The following DNAI3 variants were observed in gnomAD, a reference collection of about 807,000 sequenced individuals.
The protein encoded by DNAI3 is WD repeat domain 63.
In DNAI3, 83 loss-of-function variants were observed where a neutral mutation model predicts 115.5. The observed-to-expected ratio is 0.72, with a 90% CI of 0.60 to 0.86. The LOEUF (loss-of-function observed/expected upper bound fraction) is 0.86, where lower values mean the gene tolerates loss of function less well. Among genes scored for constraint, DNAI3 ranks in the 40% least tolerant of loss-of-function variants. DNAI3 has a pLI of 0.00. For missense variants in DNAI3, 1,004 were observed against 1,075.8 expected, an observed-to-expected ratio of 0.93 and a Z score of 0.93; for synonymous variants, 320 against 347.0, an observed-to-expected ratio of 0.92 and a Z score of 0.86.
chr1:85,127,977 T>C (rs1656197253), intron 20 of DNAI3, among the ~76,000 whole-genome samples: 1 of 151,090 alleles, frequency 6.6e-6, no homozygotes, highest in Non-Finnish European at 1.5e-5. Flanking sequence ...AAACAAAAAT[T>C]AGCCGGGCAT....
chr1:85,112,776 A>G (rs1655696514), intron 16 of DNAI3, among the ~76,000 whole-genome samples: 1 of 151,900 alleles, frequency 6.6e-6, no homozygotes, highest in African/African-American at 2.4e-5. Flanking sequence ...TGTTTGTTTT[A>G]TTTTTATTTT....
Position 85,081,345 on chromosome 1 carries a change from A to C in DNAI3, c.215A>C (p.Glu72Ala). 1 of 1,604,404 alleles carries C rather than the reference A, an allele frequency of 6.2e-7. No homozygotes were observed. The highest frequency in any genetic ancestry group is 8.5e-7 in the Non-Finnish European group (1 of 1,177,216). ...DEQPYKLINKEDIFEDLRNRA... is the reference protein window; with the variant it reads ...DEQPYKLINKADIFEDLRNRA... ...CAACCTTATAAGCTTATCAATAAAG[A>C]AGACATTTTTGAGGACCTGCGCAAC... The change falls in exon 4 of 23, where the codon GAA becomes GCA. Residue 72 changes from glutamate to alanine, a missense_variant. Physicochemically the swap from Glu to Ala is moderately radical, Grantham distance 107 (BLOSUM62 -1). This residue lies in a region of DNAI3 where 550 missense variants were observed against 568.1 expected (regional missense o/e 0.97). Coordinates refer to ENST00000294664, the MANE Select transcript of DNAI3 (RefSeq NM_145172.5).
At chr1:85,124,004 C>A in intron 18 of DNAI3, 117 bp from the exon 19 acceptor site, 2 of 1,330,818 alleles carry the variant, frequency 1.5e-6, no homozygotes, top group Non-Finnish European at 2.1e-6. Flanking sequence ...CTCTGGTTCT[C>A]CACTCCCCGA....
rs746719268 is a variant in DNAI3 at position 85,117,735 on chromosome 1, T to C, written c.1793T>C (p.Met598Thr). 7.4e-6 allele frequency: 12 copies of C among 1,613,526 alleles called. No homozygotes were observed. The highest frequency in any genetic ancestry group is 1.0e-5 in the Non-Finnish European group (12 of 1,179,564). Reference sequence around the variant, plus strand: ...ACCCACACTCCTCTGAAAGACAAAATGTTAGCACAGAGCAAAACAGAGAAG... The same window carrying C: ...ACCCACACTCCTCTGAAAGACAAAACGTTAGCACAGAGCAAAACAGAGAAG... ...DHLLCKTQDK[M>T]LAQSKTEKAE... is the part of the protein sequence containing the mutation. Residue 598 changes from methionine to threonine, a missense_variant, in exon 17 of 23, where the codon ATG becomes ACG. Met to Thr is a moderately conservative substitution (Grantham distance 81, BLOSUM62 -1). Transcript: ENST00000294664.
At chr1:85,119,118 A>T (rs969235181) in intron 17 of DNAI3, among the ~76,000 whole-genome samples, 3 of 152,212 alleles carry the variant, frequency 2.0e-5, no homozygotes, top group Admixed American at 6.5e-5. Flanking sequence ...AGTTTAAAAA[A>T]TTTTTTTAAT....
chr1:85,093,762 T>C lies in DNAI3; in HGVS notation c.1048+114T>C, dbSNP rs2100581165. 3.8e-6 allele frequency: 5 copies of C among 1,308,878 alleles called. No individual in the cohort carries two copies. The East Asian group carries it at 1.2e-4, about 32-fold the overall frequency. The allele number at this position is 1,308,878 out of a possible 1,614,324, so 81.1% of individuals were successfully genotyped here. A position where few individuals can be genotyped will look rare whatever the true frequency, so the allele number is the denominator to read the frequency against. ...TCAATAAGACACCTTCCATTTGCTC[T>C]GTACTCACTAGGTACCTGCCATGTG... is the stretch of plus-strand genomic sequence containing the variant. On this transcript the variant is annotated intron_variant, in intron 9 of 22. Coordinates refer to ENST00000294664, the MANE Select transcript of DNAI3 (RefSeq NM_145172.5).
intron 8 of DNAI3, 117 bp from the exon 9 acceptor site, chr1:85,093,341 T>C: frequency 1.1e-6 from 1 of 941,344 alleles, no homozygotes; most frequent in South Asian, 1.8e-5. Flanking sequence ...CCAAATATAA[T>C]TGAGAATTAT....
At chr1:85,063,860 A>G (rs1654013847) in intron 1 of DNAI3, among the ~76,000 whole-genome samples, 1 of 152,074 alleles carries the variant, frequency 6.6e-6, no homozygotes, top group Admixed American at 6.6e-5. Flanking sequence ...TTTTAATTAC[A>G]TATTTATTTT....
chr1:85,109,844 T>C (rs1344449919), intron 15 of DNAI3, among the ~76,000 whole-genome samples: 3 of 152,140 alleles, frequency 2.0e-5, no homozygotes, highest in African/African-American at 7.2e-5. Flanking sequence ...GACAAGCTCC[T>C]TTCTGTAGCT....
rs1452899027 is a variant in DNAI3 at position 85,076,354 on chromosome 1, A to G, written c.103+3262A>G. Among the ~76,000 whole-genome samples, 3 of 152,214 alleles carry G rather than the reference A, an allele frequency of 2.0e-5. No individual in the cohort carries two copies. The East Asian group carries it at 5.8e-4, about 29-fold the overall frequency. On this transcript the variant is annotated intron_variant, in intron 3 of 22. Transcript: ENST00000294664. ...AATGAAAAATAAATAAATAAATAAA[A>G]AGAACATAAAAACAAAAACAACAAA...
rs775359607 is a variant in DNAI3, at chr1:85,098,563, GA to G, written c.1386del (p.Ala463GlnfsTer12). ...TCTCCTTGAACCGGAGAGTAATAAA[GA>G]AGCAATGTATATCAGACACTGTGCA... Reference protein sequence around the residue: ...MFLLEPESNKEAMYIRHCAVS... With the variant: ...MFLLEPESNKXAMYIRHCAVS... On this transcript the variant is annotated frameshift_variant, in exon 13 of 23. Transcript: ENST00000294664. LOFTEE classifies it high-confidence loss of function. 6.2e-7 allele frequency: 1 copy of G among 1,613,122 alleles called. No individual in the cohort carries two copies. Among genetic ancestry groups the G allele is most frequent in the Non-Finnish European group, 8.5e-7 (1 of 1,179,660 alleles).
chr1:85,090,801 G>A (rs1275720822), intron 8 of DNAI3, among the ~76,000 whole-genome samples: 1 of 152,142 alleles, frequency 6.6e-6, no homozygotes, highest in Non-Finnish European at 1.5e-5. Context: ...CTAAACCAGA[G>A]AAACAGCTTG....
In DNAI3 at chr1:85,093,490, T is replaced by G. The variant is rs774455698; in HGVS notation, c.890T>G (p.Met297Arg). Residue 297 changes from methionine to arginine, a missense_variant, in exon 9 of 23, where the codon ATG becomes AGG. Around this residue, in one of 3 missense-constraint regions of DNAI3, gnomAD observed 550 missense variants for 568.1 expected, o/e 0.97. Coordinates refer to ENST00000294664, the MANE Select transcript of DNAI3 (RefSeq NM_145172.5). ...ATAGCCCTGCAGCAAAATGAAATCA[T>G]GAACACATTTATTGATGACTGGAAA... Reference protein sequence around the residue: ...VEIALQQNEIMNTFIDDWKYL... With the variant: ...VEIALQQNEIRNTFIDDWKYL... The G allele has an allele frequency of 1.2e-6, 2 of 1,614,120 alleles. No individual in the cohort carries two copies. The highest frequency in any genetic ancestry group is 1.7e-6 in the Non-Finnish European group (2 of 1,180,018).
intron 10 of DNAI3, among the ~76,000 whole-genome samples, chr1:85,094,984 A>C (rs960126056): frequency 6.6e-6 from 1 of 152,202 alleles, no homozygotes; most frequent in Non-Finnish European, 1.5e-5. Context: ...ATCCATCTCT[A>C]GGCTGGCTGC....
chr1:85,122,899 G>A (rs1253859283), intron 18 of DNAI3, among the ~76,000 whole-genome samples: 1 of 152,156 alleles, frequency 6.6e-6, no homozygotes, highest in Non-Finnish European at 1.5e-5. Flanking sequence ...CCAACTCTCA[G>A]GGAGAGGAAA....
At chr1:85,099,353 T>A in intron 13 of DNAI3, 1 of 858,256 alleles carries the variant, frequency 1.2e-6, no homozygotes, top group Non-Finnish European at 1.4e-6. Flanking sequence ...GAGAGCCAAA[T>A]CATGAGTGAA....
chr1:85,065,399 T>C (rs893235505), intron 1 of DNAI3, among the ~76,000 whole-genome samples: 2 of 152,150 alleles, frequency 1.3e-5, no homozygotes, highest in African/African-American at 4.8e-5. Flanking sequence ...TAGTAAACTA[T>C]ATGTATATTC....
chr1:85,098,100 A>G (rs1044768985), intron 12 of DNAI3, among the ~76,000 whole-genome samples: 1 of 152,176 alleles, frequency 6.6e-6, no homozygotes, highest in East Asian at 1.9e-4. Flanking sequence ...ATATACCATG[A>G]TTTTGTGGGG....
intron 18 of DNAI3, among the ~76,000 whole-genome samples, chr1:85,122,328 C>A (rs1656015200): frequency 1.3e-5 from 2 of 152,044 alleles, no homozygotes; most frequent in South Asian, 4.2e-4. Flanking sequence ...GTCTTTATGT[C>A]TGCTGCTCCC....
Sources: allele counts gnomAD v4.1 joint callset (sites outside exome capture counted in the v4.1 genomes callset), GRCh38; gene constraint gnomAD v4.1.1; regional missense constraint gnomAD v4.1.1; transcripts MANE v1.5; gene names NCBI Gene and HGNC (gene_info 2026-07-23, HGNC 2026-07-21).